The following TSHZ3 variants were observed in gnomAD, a reference collection of about 807,000 sequenced individuals.
TSHZ3 encodes the protein teashirt homolog 3.
In TSHZ3, 10 loss-of-function variants were observed where a neutral mutation model predicts 64.5. The observed-to-expected ratio is 0.16, with a 90% CI of 0.10 to 0.26. The LOEUF (loss-of-function observed/expected upper bound fraction) is 0.26, where lower values mean the gene tolerates loss of function less well. Ranked by LOEUF, TSHZ3 falls within the 10% of genes least tolerant of loss-of-function variation. The pLI, the probability that TSHZ3 is intolerant of heterozygous loss-of-function variation, is 1.00. For missense variants in TSHZ3, 1,242 were observed against 1,421.7 expected, an observed-to-expected ratio of 0.87 and a Z score of 2.03; for synonymous variants, 608 against 593.1, an observed-to-expected ratio of 1.03 and a Z score of -0.36.
intron 4 of TSHZ3, among the ~76,000 whole-genome samples, chr19:31,226,969 C>CTTTTTTT (rs1975472056): frequency 1.2e-5 from 1 of 82,606 alleles, no homozygotes; most frequent in African/African-American, 6.7e-5. Flanking sequence ...CTCTTTCTTT[C>CTTTTTTT]TTTCTTTCTT....
chr19:31,246,601 G>T (rs1975760256), intron 1 of TSHZ3, among the ~76,000 whole-genome samples: 1 of 152,058 alleles, frequency 6.6e-6, no homozygotes. Flanking sequence ...GTTTAAAAAG[G>T]GACAGAGGAA....
chr19:31,182,409 A>G (rs1315823392), intron 5 of TSHZ3, among the ~76,000 whole-genome samples: 1 of 152,182 alleles, frequency 6.6e-6, no homozygotes, highest in African/African-American at 2.4e-5. Context: ...CCTAGGGGAT[A>G]GTGGAAGGCA....
At chr19:31,221,363 G>T (rs1975393182) in intron 4 of TSHZ3, among the ~76,000 whole-genome samples, 1 of 152,146 alleles carries the variant, frequency 6.6e-6, no homozygotes. Context: ...GGAGTGTCAA[G>T]GAATAGGTGG....
intron 4 of TSHZ3, among the ~76,000 whole-genome samples, chr19:31,212,143 A>C (rs1975265344): frequency 6.6e-6 from 1 of 152,046 alleles, no homozygotes; most frequent in Admixed American, 6.6e-5. Context: ...GAGTTAGTGT[A>C]ATTTGTTAAA....
At chr19:31,161,702 C>T (rs1489040426) in intron 5 of TSHZ3, among the ~76,000 whole-genome samples, 4 of 152,178 alleles carry the variant, frequency 2.6e-5, no homozygotes, top group East Asian at 1.9e-4. Context: ...ATCAGGCAGA[C>T]GTGCAGTTTG....
chr19:31,168,464 C>A (rs1351783089), intron 5 of TSHZ3, among the ~76,000 whole-genome samples: 2 of 152,196 alleles, frequency 1.3e-5, no homozygotes, highest in African/African-American at 4.8e-5. Context: ...CAAATTCACC[C>A]TTTCAAGATT....
At chr19:31,179,023 A>ATGG (rs2145123639) in intron 5 of TSHZ3, among the ~76,000 whole-genome samples, 1 of 94,008 alleles carries the variant, frequency 1.1e-5, no homozygotes, top group Non-Finnish European at 2.4e-5. Flanking sequence ...ACTGATGATG[A>ATGG]TGATGATGAT....
At chr19:31,347,782 A>C (rs981437316) in intron 1 of TSHZ3, among the ~76,000 whole-genome samples, 1 of 152,316 alleles carries the variant, frequency 6.6e-6, no homozygotes. Context: ...GCAGGCAAGT[A>C]CATTTCTGGG....
chr19:31,287,273 A>G (rs938889162), intron 1 of TSHZ3, among the ~76,000 whole-genome samples: 1 of 152,210 alleles, frequency 6.6e-6, no homozygotes, highest in Admixed American at 6.5e-5. Context: ...GGCTGAAATA[A>G]AGGTTCTGAA....
At chr19:31,164,339 G>GA (rs1216180378) in intron 5 of TSHZ3, among the ~76,000 whole-genome samples, 1 of 152,146 alleles carries the variant, frequency 6.6e-6, no homozygotes, top group Non-Finnish European at 1.5e-5. Flanking sequence ...AGAGCCCCTG[G>GA]AAGGATAGAA....
At chr19:31,344,642 A>C (rs1917531425) in intron 1 of TSHZ3, among the ~76,000 whole-genome samples, 1 of 152,208 alleles carries the variant, frequency 6.6e-6, no homozygotes, top group Non-Finnish European at 1.5e-5. Flanking sequence ...CTCTGGCAGG[A>C]CACGTGTAAA....
At chr19:31,193,642 T>A (rs1335916310) in intron 5 of TSHZ3, among the ~76,000 whole-genome samples, 1 of 152,184 alleles carries the variant, frequency 6.6e-6, no homozygotes, top group East Asian at 1.9e-4. Context: ...ATTGTGAGAA[T>A]CATCTTTATC....
At chr19:31,196,237 G>T (rs1205177637) in intron 5 of TSHZ3, among the ~76,000 whole-genome samples, 1 of 151,890 alleles carries the variant, frequency 6.6e-6, no homozygotes, top group Non-Finnish European at 1.5e-5. Flanking sequence ...AGTTATTATA[G>T]TTATTTAAAA....
chr19:31,308,245 C>T (rs55974604), intron 1 of TSHZ3: 40,720 of 154,906 alleles, frequency 0.26, 6,654 homozygotes, highest in East Asian at 0.45. Flanking sequence ...TGGCTGTGCT[C>T]GCCAGGCATG....
chr19:31,286,744 T>A (rs1311342473), intron 1 of TSHZ3, among the ~76,000 whole-genome samples: 1 of 151,878 alleles, frequency 6.6e-6, no homozygotes, highest in Admixed American at 6.6e-5. Context: ...ACGCAGAACC[T>A]TCTCAATTCC....
intron 1 of TSHZ3, among the ~76,000 whole-genome samples, chr19:31,310,131 C>T (rs1018636963): frequency 8.5e-5 from 13 of 152,180 alleles, no homozygotes; most frequent in African/African-American, 3.1e-4. Context: ...CTGTGGGGCC[C>T]ATTCATTATG....
At chr19:31,255,174 C>T (rs2145194391) in intron 1 of TSHZ3, among the ~76,000 whole-genome samples, 1 of 152,228 alleles carries the variant, frequency 6.6e-6, no homozygotes, top group East Asian at 1.9e-4. Context: ...TGGGGAATGC[C>T]AACCAAATTT....
intron 1 of TSHZ3, among the ~76,000 whole-genome samples, chr19:31,321,786 T>C (rs897339611): frequency 6.6e-6 from 1 of 151,988 alleles, no homozygotes; most frequent in Non-Finnish European, 1.5e-5. Context: ...TATATTTTTA[T>C]ATATATTATG....
At chr19:31,261,149 T>G (rs2145198912) in intron 1 of TSHZ3, among the ~76,000 whole-genome samples, 1 of 152,212 alleles carries the variant, frequency 6.6e-6, no homozygotes, top group African/African-American at 2.4e-5. Flanking sequence ...GCCCAAGGGC[T>G]CTCCCACCCC....
Sources: allele counts gnomAD v4.1 joint callset (sites outside exome capture counted in the v4.1 genomes callset), GRCh38; gene constraint gnomAD v4.1.1; transcripts MANE v1.5; gene names NCBI Gene and HGNC (gene_info 2026-07-23, HGNC 2026-07-21).